Variants in KLRG1 observed in about 807,000 individuals in gnomAD.
The protein encoded by KLRG1 is killer cell lectin like receptor G1.
KLRG1 carries 16 observed loss-of-function variants against 21.8 expected under a neutral mutation model. The ratio of observed to expected loss-of-function variants is 0.73; its 90% CI spans 0.50 to 1.11. The LOEUF (loss-of-function observed/expected upper bound fraction) is 1.11, where lower values mean the gene tolerates loss of function less well. KLRG1 is among the 50% of genes most tolerant of loss of function. The pLI is 0.00. For missense variants in KLRG1, 173 were observed against 218.3 expected, an observed-to-expected ratio of 0.79 and a Z score of 1.31; for synonymous variants, 69 against 75.9, an observed-to-expected ratio of 0.91 and a Z score of 0.47.
chr12:9,213,690 T>C, the KLRG1 span, among the ~76,000 whole-genome samples: 27 of 152,222 alleles, frequency 1.8e-4, no homozygotes, highest in African/African-American at 6.5e-4. Context: ...TTTATCTTTT[T>C]ATTGTTGAAT....
At chr12:9,049,624 CTCTCT>C in the KLRG1 span, among the ~76,000 whole-genome samples, 1 of 152,070 alleles carries the variant, frequency 6.6e-6, no homozygotes, top group African/African-American at 2.4e-5. Flanking sequence ...TATTTTACTC[CTCTCT>C]TCTCTGTTCC....
chr12:9,159,711 C>T, the KLRG1 span, among the ~76,000 whole-genome samples: 14 of 151,746 alleles, frequency 9.2e-5, no homozygotes, highest in African/African-American at 2.7e-4. Context: ...CCTGCATCAC[C>T]GTGGGACTCC....
chr12:9,033,507 CAA>C, the KLRG1 span, among the ~76,000 whole-genome samples: 1 of 151,740 alleles, frequency 6.6e-6, no homozygotes, highest in Non-Finnish European at 1.5e-5. Flanking sequence ...AGAGGGGAAA[CAA>C]GAGGGCACTT....
chr12:9,176,977 A>C, the KLRG1 span, among the ~76,000 whole-genome samples: 5 of 152,218 alleles, frequency 3.3e-5, no homozygotes, highest in African/African-American at 9.6e-5. Flanking sequence ...TACAATGAGA[A>C]TCTCAGAGAG....
At chr12:9,101,413 A>G in the KLRG1 span, 1 of 1,555,594 alleles carries the variant, frequency 6.4e-7, no homozygotes, top group Non-Finnish European at 8.8e-7. Flanking sequence ...GCTTTTGTCT[A>G]CAGTGAAGTC....
At chr12:9,165,296 C>G in the KLRG1 span, 1 of 1,614,146 alleles carries the variant, frequency 6.2e-7, no homozygotes, top group Non-Finnish European at 8.5e-7. Context: ...TTCGGACAGG[C>G]AGAAGGCCCC....
At chr12:9,150,063 CT>C in the KLRG1 span, among the ~76,000 whole-genome samples, 187 of 152,322 alleles carry the variant, frequency 1.2e-3, no homozygotes, top group Admixed American at 2.6e-3. Context: ...GCCTTCTGTG[CT>C]GTTTTTGCCT....
chr12:9,050,430 TG>T, the KLRG1 span, among the ~76,000 whole-genome samples: 1 of 152,234 alleles, frequency 6.6e-6, no homozygotes, highest in Non-Finnish European at 1.5e-5. Context: ...ATGCAGCCAG[TG>T]GGAGCTTCGC....
the KLRG1 span, chr12:9,093,667 C>CA: frequency 2.7e-5 from 18 of 676,952 alleles, no homozygotes; most frequent in Admixed American, 3.7e-5. Flanking sequence ...AAAAAAAAAA[C>CA]AAAAAACAAA....
chr12:9,108,854 C>T, the KLRG1 span, among the ~76,000 whole-genome samples: 7 of 152,196 alleles, frequency 4.6e-5, no homozygotes, highest in African/African-American at 1.4e-4. Flanking sequence ...AGTTGTATGC[C>T]TATCTCTACA....
At chr12:9,045,817 A>G in the KLRG1 span, among the ~76,000 whole-genome samples, 1 of 152,010 alleles carries the variant, frequency 6.6e-6, no homozygotes, top group East Asian at 1.9e-4. Context: ...TAGACCAGAT[A>G]AAGAAAATGT....
chr12:8,998,666 G>C (rs1455069659), intron 3 of KLRG1, among the ~76,000 whole-genome samples: 2 of 145,778 alleles, frequency 1.4e-5, no homozygotes, highest in South Asian at 4.5e-4. Context: ...TCCAGCCTGG[G>C]CAACAGAGCG....
At chr12:9,107,432 G>T in the KLRG1 span, 11 of 1,462,640 alleles carry the variant, frequency 7.5e-6, no homozygotes, top group Non-Finnish European at 1.0e-5. Context: ...CTTCTAGATT[G>T]TTCTCTTCCT....
the KLRG1 span, among the ~76,000 whole-genome samples, chr12:9,052,237 G>A: frequency 6.6e-6 from 1 of 152,162 alleles, no homozygotes; most frequent in Admixed American, 6.5e-5. Flanking sequence ...AGGACACTGA[G>A]AGGCTCTTTT....
the KLRG1 span, among the ~76,000 whole-genome samples, chr12:9,210,564 CT>C: frequency 6.6e-6 from 1 of 152,122 alleles, no homozygotes; most frequent in Admixed American, 6.6e-5. Context: ...TGCTTCTGAA[CT>C]TTGGATTCAT....
At chr12:8,968,725 A>G (rs776764309) in intron 1 of KLRG1, among the ~76,000 whole-genome samples, 39 of 152,338 alleles carry the variant, frequency 2.6e-4, no homozygotes, top group Non-Finnish European at 4.7e-4. Context: ...ACAAGTTTTA[A>G]TACATTTACA....
At chr12:9,099,124 G>A in the KLRG1 span, among the ~76,000 whole-genome samples, 4 of 152,186 alleles carry the variant, frequency 2.6e-5, no homozygotes, top group South Asian at 4.2e-4. Flanking sequence ...ATTTCCCAAC[G>A]TTTCATCATA....
chr12:9,117,902 A>G, the KLRG1 span, among the ~76,000 whole-genome samples: 1 of 152,038 alleles, frequency 6.6e-6, no homozygotes, highest in Non-Finnish European at 1.5e-5. Flanking sequence ...TTTTTTCATA[A>G]TTTGTTTTCA....
At chr12:9,088,717 G>A in the KLRG1 span, among the ~76,000 whole-genome samples, 1 of 152,078 alleles carries the variant, frequency 6.6e-6, no homozygotes, top group Admixed American at 6.5e-5. Context: ...TAGGGCATTA[G>A]GTACGGGATA....
Sources: allele counts gnomAD v4.1 joint callset (sites outside exome capture counted in the v4.1 genomes callset), GRCh38; gene constraint gnomAD v4.1.1; transcripts MANE v1.5; gene names NCBI Gene and HGNC (gene_info 2026-07-23, HGNC 2026-07-21).